MUC12: variants seen among roughly 807,000 people sequenced by gnomAD.
MUC12 encodes the protein mucin-12.
MUC12 carries 172 observed loss-of-function variants against 230.8 expected under a neutral mutation model. That is an observed-to-expected ratio of 0.75 (90% confidence interval 0.66 to 0.85). The LOEUF (loss-of-function observed/expected upper bound fraction) is 0.85, where lower values mean the gene tolerates loss of function less well. MUC12 is among the 40% of genes least tolerant of loss of function. The pLI, the probability that MUC12 is intolerant of heterozygous loss-of-function variation, is 0.00. For missense variants in MUC12, 3,506 were observed against 5,920.6 expected (o/e 0.59, Z 13.38); for synonymous variants, 1,259 against 2,401.9 (o/e 0.52, Z 13.91).
At chr7:100,981,414 C>T (rs748174725) in intron 1 of MUC12, 19 of 632,652 alleles carry the variant, frequency 3.0e-5, no homozygotes, top group South Asian at 1.2e-4. Flanking sequence ...GCCCAGGGGA[C>T]GACGGGGATG....
rs778333730 is a variant in MUC12, at chr7:100,991,304, A to C, written c.741A>C (p.Glu247Asp). The change falls in exon 2 of 12, where the codon GAA (glutamate) becomes GAC (aspartate). Residue 247 changes from glutamate (E) to aspartate (D), a missense_variant. Transcript: ENST00000536621. Reference protein sequence around the residue: ...PDNTTTSGLLEASTPVHSSTG... With the variant: ...PDNTTTSGLLDASTPVHSSTG... ...ACACCACAACCTCAGGCCTCCTTGA[A>C]GCATCTACGCCCGTCCACAGCAGCA... is the stretch of plus-strand genomic sequence containing the variant. 4.6e-6 allele frequency: 7 copies of C among 1,537,664 alleles called. No individual in the cohort carries two copies. In the South Asian group the frequency reaches 8.3e-5, roughly 18 times the overall value.
rs774756476 is a variant in MUC12 at position 100,995,842 on chromosome 7, C to G, written c.5279C>G (p.Ser1760Cys). 4 of 1,460,170 alleles carry G rather than the reference C, an allele frequency of 2.7e-6. No individual in the cohort carries two copies. Among genetic ancestry groups the G allele is most frequent in the African/African-American group, 3.1e-5 (2 of 64,752 alleles). The allele number at this position is 1,460,170 out of a possible 1,614,324, so 90.5% of individuals were successfully genotyped here. The part of the protein sequence containing the change: ...ATATTPSPAR[S>C]TTSGLVEEST... ...GCAACAACACCCTCGCCTGCCCGCT[C>G]CACAACCTCAGGCCTCGTTGAAGAA... The change falls in exon 2 of 12, where the codon TCC (serine) becomes TGC (cysteine). Residue 1760 changes from serine (S) to cysteine (C), a missense_variant. Physicochemically the swap from Ser to Cys is moderately radical, Grantham distance 112 (BLOSUM62 -1). Coordinates refer to ENST00000536621, the MANE Select transcript of MUC12 (RefSeq NM_001164462.2).
chr7:101,004,301 A>C lies in MUC12; in HGVS notation c.13738A>C (p.Ser4580Arg), dbSNP rs1286020338. 1.0e-6 allele frequency: 1 copy of C among 989,486 alleles called. No individual in the cohort carries two copies. The highest frequency in any genetic ancestry group is 2.9e-5 in the East Asian group (1 of 34,490). The allele number at this position is 989,486 out of a possible 1,614,324, so 61.3% of individuals were successfully genotyped here. Residue 4580 changes from serine to arginine, a missense_variant, in exon 2 of 12, where the codon AGC (serine) becomes CGC (arginine). By Grantham distance (110) the Ser-to-Arg change is moderately radical (BLOSUM62 -1). Transcript: ENST00000536621. ...TGAGGAATCGACAACAGTCCACAGC[A>C]GCCCAGTTGCAACTGCAACAACACC... ...RSEESTTVHS[S>R]PVATATTPSP...
At chr7:100,975,194 T>TGGG (rs1793004087) in intron 1 of MUC12, among the ~76,000 whole-genome samples, 13 of 151,242 alleles carry the variant, frequency 8.6e-5, no homozygotes, top group African/African-American at 2.4e-4. Context: ...ATCCACACGA[T>TGGG]GACTGGAACC....
intron 1 of MUC12, 133 bp downstream of exon 1, chr7:100,969,822 A>C: frequency 3.7e-6 from 5 of 1,337,488 alleles, no homozygotes; most frequent in Non-Finnish European, 5.1e-6. Context: ...AGGGCTGGAG[A>C]CCCGTGCTGT....
chr7:100,970,333 A>T (rs1349631240), intron 1 of MUC12, among the ~76,000 whole-genome samples: 1 of 152,038 alleles, frequency 6.6e-6, no homozygotes, highest in Non-Finnish European at 1.5e-5. Flanking sequence ...CTAAAAATAC[A>T]AAAATTAACC....
chr7:100,988,670 C>G (rs908527664), intron 1 of MUC12, among the ~76,000 whole-genome samples: 1 of 152,134 alleles, frequency 6.6e-6, no homozygotes, highest in Non-Finnish European at 1.5e-5. Flanking sequence ...GGGTTGGTGG[C>G]AGCTGCAGGG....
At chr7:100,983,824 A>G (rs1793145837) in intron 1 of MUC12, among the ~76,000 whole-genome samples, 1 of 152,224 alleles carries the variant, frequency 6.6e-6, no homozygotes, top group Non-Finnish European at 1.5e-5. Flanking sequence ...GACAATAGAC[A>G]CATTCTACTT....
intron 1 of MUC12, among the ~76,000 whole-genome samples, chr7:100,977,503 T>A (rs945121191): frequency 1.3e-5 from 2 of 151,898 alleles, no homozygotes; most frequent in African/African-American, 4.8e-5. Flanking sequence ...GTAGCTGGGA[T>A]TACAGGCACG....
At position 101,017,668 on chromosome 7, in the gene MUC12, C is replaced by G; in HGVS notation, c.15966+5C>G. The G allele has an allele frequency of 6.5e-7, 1 of 1,534,846 alleles. No individual in the cohort carries two copies. On this transcript the variant is annotated splice_donor_5th_base_variant and intron_variant, in intron 11 of 11. Transcript: ENST00000536621. ...ACTGTTGACTCTGGCACAGAGGTGA[C>G]TCAGCTGCGAGCTGCCCCCACCCCC...
intron 7 of MUC12, 31 bp from the exon 8 acceptor site, chr7:101,012,949 C>A: frequency 6.5e-7 from 1 of 1,537,252 alleles, no homozygotes. Context: ...TTTGGCCAGG[C>A]TCATGCATGC....
At chr7:101,014,154 C>T (rs1029767992) in intron 9 of MUC12, 80 bp downstream of exon 9, 2 of 1,404,064 alleles carry the variant, frequency 1.4e-6, no homozygotes, top group African/African-American at 1.4e-5. Context: ...TGTCCTAAGG[C>T]TCTGCTCCTT....
rs564189766 is a variant in MUC12, at chr7:100,991,948, T to A, written c.1385T>A (p.Val462Asp). 6.5e-6 allele frequency: 10 copies of A among 1,537,646 alleles called. No individual in the cohort carries two copies. Among genetic ancestry groups the A allele is most frequent in the African/African-American group, 4.1e-5 (3 of 72,946 alleles). Residue 462 changes from valine (V) to aspartate (D), a missense_variant, in exon 2 of 12, where the codon GTT (valine) becomes GAT (aspartate). By Grantham distance (152) the Val-to-Asp change is radical (BLOSUM62 -3). Transcript: ENST00000536621. Reference sequence around the variant, plus strand: ...GCCGGCTCTACACCCTCAGTTCTTGTTGGAGACTCGACGCCCTCACCCATC... The same window carrying A: ...GCCGGCTCTACACCCTCAGTTCTTGATGGAGACTCGACGCCCTCACCCATC... ...LPAGSTPSVL[V>D]GDSTPSPISS... is the part of the protein sequence containing the mutation.
Position 101,005,003 on chromosome 7 carries a change from A to G in MUC12, c.14440A>G (p.Thr4814Ala), listed in dbSNP as rs2116344287. The change falls in exon 2 of 12, where the codon ACA (threonine) becomes GCA (alanine). Residue 4814 changes from threonine (T) to alanine (A), a missense_variant. Transcript: ENST00000536621. ...TETTLSPGSI[T>A]TSSFAQEFTT... ...GACAACACTGTCCCCTGGCAGCATC[A>G]CAACTTCATCTTTTGCTCAAGAATT... 1.3e-6 allele frequency: 2 copies of G among 1,537,664 alleles called. No homozygotes were observed. The highest frequency in any genetic ancestry group is 2.4e-5 in the East Asian group (1 of 40,920).
intron 1 of MUC12, among the ~76,000 whole-genome samples, chr7:100,971,703 C>T (rs78091579): frequency 7.2e-5 from 11 of 152,308 alleles, no homozygotes; most frequent in African/African-American, 2.2e-4. Context: ...TTAAGTTCAC[C>T]TACAGAAGTG....
Position 101,017,680 on chromosome 7 carries a change from C to T in MUC12, c.15966+17C>T. The T allele has an allele frequency of 3.3e-6, 5 of 1,523,820 alleles. No individual in the cohort carries two copies. The Admixed American group carries it at 7.9e-5, about 24-fold the overall frequency. 94.4% of individuals were successfully genotyped at this position (1,523,820 alleles called of 1,614,324 possible). ...GGCACAGAGGTGACTCAGCTGCGAG[C>T]TGCCCCCACCCCCTGAGGCTGCTCC... On this transcript the variant is annotated intron_variant, in intron 11 of 11. Transcript: ENST00000536621.
At position 100,969,618 on chromosome 7, in the gene MUC12, G is replaced by A. The variant is rs1486315009; in HGVS notation, c.-5G>A. The A allele has an allele frequency of 8.5e-6, 13 of 1,537,334 alleles. No individual in the cohort carries two copies. Among genetic ancestry groups the A allele is most frequent in the African/African-American group, 5.5e-5 (4 of 73,192 alleles). ...ATGGGCAGCCAGGGGCCCGTTCCCCGGGAGATGCTGGTGATCTGGATTCTG... is the reference window on the plus strand; with the variant it reads ...ATGGGCAGCCAGGGGCCCGTTCCCCAGGAGATGCTGGTGATCTGGATTCTG... On this transcript the variant is annotated 5_prime_UTR_variant, in exon 1 of 12. Transcript: ENST00000536621.
intron 1 of MUC12, 118 bp downstream of exon 1, chr7:100,969,807 G>A: frequency 7.0e-7 from 1 of 1,426,856 alleles, no homozygotes; most frequent in Non-Finnish European, 9.5e-7. Flanking sequence ...GCAAGGGGCT[G>A]CCACAGGGCT....
intron 1 of MUC12, among the ~76,000 whole-genome samples, chr7:100,982,873 A>T (rs1408625235): frequency 6.6e-6 from 1 of 152,014 alleles, no homozygotes; most frequent in Admixed American, 6.6e-5. Flanking sequence ...GGAACTGACT[A>T]CAGGTGCATG....
Sources: gnomAD v4.1 joint callset for allele counts (sites outside exome capture counted in the v4.1 genomes callset) on GRCh38, gnomAD v4.1.1 for gene constraint, MANE v1.5 for transcripts, NCBI Gene and HGNC (gene_info 2026-07-23, HGNC 2026-07-21) for gene names.